PYGO1: variants seen among roughly 807,000 people sequenced by gnomAD.
The protein encoded by PYGO1 is pygopus family PHD finger 1, also known as pygopus homolog 1.
Under a neutral mutation model 29.5 loss-of-function variants are expected in PYGO1, and 6 were observed. The observed-to-expected ratio is 0.20, with a 90% CI of 0.11 to 0.40. The LOEUF is 0.40. Ranked by LOEUF, PYGO1 falls within the 10% of genes least tolerant of loss-of-function variation. PYGO1 has a pLI of 1.00. For synonymous variants in PYGO1, 186 were observed against 180.5 expected (o/e 1.03, Z -0.24); for missense variants, 515 against 514.9 (o/e 1.00, Z 0.00).
At chr15:55,564,157 T>G (rs183254875) in intron 1 of PYGO1, among the ~76,000 whole-genome samples, 1 of 152,136 alleles carries the variant, frequency 6.6e-6, no homozygotes, top group African/African-American at 2.4e-5. Context: ...GCCAAAAAAG[T>G]AGAAACAACC....
chr15:55,555,415 A>C lies in PYGO1; in HGVS notation c.50-6420T>G, dbSNP rs75259091. On this transcript the variant is annotated intron_variant, in intron 1 of 2. Coordinates refer to ENST00000563719, the MANE Select transcript of PYGO1 (RefSeq NM_001367806.1). ...AGCCAGTACAAAAGCACTGAGGTAC[A>C]TGACCAATGAAGCAACCACATAAAC... Among the ~76,000 whole-genome samples the C allele has an allele frequency of 8.1e-3, 1,231 of 151,446 alleles. 62 individuals carry two copies. In the East Asian group the frequency reaches 0.14, roughly 17 times the overall value.
chr15:55,574,524 TAAC>T (rs2058993204), intron 1 of PYGO1, among the ~76,000 whole-genome samples: 1 of 152,228 alleles, frequency 6.6e-6, no homozygotes, highest in Non-Finnish European at 1.5e-5. Flanking sequence ...ATGACAGACT[TAAC>T]TTTTTCTTAA....
chr15:55,555,161 C>G (rs2058898525), intron 1 of PYGO1, among the ~76,000 whole-genome samples: 1 of 152,094 alleles, frequency 6.6e-6, no homozygotes, highest in African/African-American at 2.4e-5. Flanking sequence ...CAGTAGACCT[C>G]TCAGCAGAAA....
At chr15:55,575,786 C>T (rs1373102581) in intron 1 of PYGO1, among the ~76,000 whole-genome samples, 1 of 152,132 alleles carries the variant, frequency 6.6e-6, no homozygotes, top group East Asian at 1.9e-4. Context: ...TGTCTGGGTC[C>T]CAGGCCTACA....
At chr15:55,549,946 T>C (rs1464719052) in intron 1 of PYGO1, among the ~76,000 whole-genome samples, 1 of 152,152 alleles carries the variant, frequency 6.6e-6, no homozygotes, top group Non-Finnish European at 1.5e-5. Flanking sequence ...CAGTACTACT[T>C]TGAAGAAAAT....
At position 55,544,632 on chromosome 15, in the gene PYGO1, T is replaced by G. The variant is rs2058841740; in HGVS notation, c.*1391A>C. ...TGCTGCCGTCATTGTTTCACTTGGG[T>G]TTAAATAACAGTAATTATTTATCTC... On this transcript the variant is annotated 3_prime_UTR_variant, in exon 3 of 3. Transcript: ENST00000563719. The G allele has an allele frequency of 6.6e-6, 1 of 152,220 alleles. No homozygotes were observed. Among genetic ancestry groups the G allele is most frequent in the Non-Finnish European group, 1.5e-5 (1 of 68,032 alleles). 9.4% of individuals were successfully genotyped at this position (152,220 alleles called of 1,614,324 possible).
intron 1 of PYGO1, among the ~76,000 whole-genome samples, chr15:55,553,370 G>A (rs1322888848): frequency 1.3e-5 from 2 of 151,718 alleles, no homozygotes; most frequent in African/African-American, 4.8e-5. Flanking sequence ...CAGTACAACT[G>A]CTCTATCAAA....
At chr15:55,570,992 A>C (rs2058977781) in intron 1 of PYGO1, among the ~76,000 whole-genome samples, 1 of 152,190 alleles carries the variant, frequency 6.6e-6, no homozygotes, top group South Asian at 2.1e-4. Flanking sequence ...TGTAAAACTG[A>C]AACTATATCC....
At chr15:55,549,989 A>C (rs995377912) in intron 1 of PYGO1, among the ~76,000 whole-genome samples, 2 of 152,194 alleles carry the variant, frequency 1.3e-5, no homozygotes, top group Non-Finnish European at 2.9e-5. Flanking sequence ...AATATTTCAG[A>C]ATGTATTTCT....
chr15:55,573,135 T>A (rs2058987039), intron 1 of PYGO1, among the ~76,000 whole-genome samples: 1 of 151,914 alleles, frequency 6.6e-6, no homozygotes, highest in African/African-American at 2.4e-5. Flanking sequence ...TGAAACCCTG[T>A]CTCTACTAAA....
In PYGO1 at chr15:55,571,237, T is replaced by C. The variant is rs192277338; in HGVS notation, c.49+16598A>G. 1.5e-3 allele frequency among the ~76,000 whole-genome samples: 227 copies of C among 152,364 alleles called. 4 individuals are homozygous for C. Among genetic ancestry groups the C allele is most frequent in the Admixed American group, 1.5e-3 (23 of 15,298 alleles). ...TATTCCATGTATAGTATACACATACTACATTCTGTTTATCCATTTATCTGT... is the reference window on the plus strand; with the variant it reads ...TATTCCATGTATAGTATACACATACCACATTCTGTTTATCCATTTATCTGT... On this transcript the variant is annotated intron_variant, in intron 1 of 2. Transcript: ENST00000563719.
intron 1 of PYGO1, among the ~76,000 whole-genome samples, chr15:55,583,163 C>CA (rs2059032174): frequency 6.6e-6 from 1 of 152,154 alleles, no homozygotes; most frequent in African/African-American, 2.4e-5. Context: ...CCCTTAGCTG[C>CA]AAAGACCTGA....
chr15:55,547,191 A>C, intron 2 of PYGO1, 44 bp from the exon 3 acceptor site: 1 of 1,477,806 alleles, frequency 6.8e-7, no homozygotes, highest in South Asian at 1.3e-5. Flanking sequence ...TCGATCAAAT[A>C]CATTATTAAA....
intron 1 of PYGO1, among the ~76,000 whole-genome samples, chr15:55,553,576 T>A (rs1034911238): frequency 6.6e-6 from 1 of 151,938 alleles, no homozygotes; most frequent in African/African-American, 2.4e-5. Context: ...CACCACTAAC[T>A]TTTTTTGTAT....
At chr15:55,575,868 A>G (rs1235079481) in intron 1 of PYGO1, among the ~76,000 whole-genome samples, 1 of 152,154 alleles carries the variant, frequency 6.6e-6, no homozygotes, top group Non-Finnish European at 1.5e-5. Context: ...ATCTGAGTTT[A>G]TACTCCACAG....
chr15:55,547,433 AAAG>A (rs1376618435), intron 2 of PYGO1, among the ~76,000 whole-genome samples: 1 of 152,216 alleles, frequency 6.6e-6, no homozygotes, highest in Non-Finnish European at 1.5e-5. Flanking sequence ...TTAACTTTCA[AAAG>A]AAGCTTCATT....
chr15:55,544,720 A>G lies in PYGO1; in HGVS notation c.*1303T>C, dbSNP rs2058842033. Reference sequence around the variant, plus strand: ...GTTGCAATGATAATGGTGGCAACATATTAGGGAGCTTTACCAGCCTCCAAT... The same window carrying G: ...GTTGCAATGATAATGGTGGCAACATGTTAGGGAGCTTTACCAGCCTCCAAT... On this transcript the variant is annotated 3_prime_UTR_variant, in exon 3 of 3. Coordinates refer to ENST00000563719, the MANE Select transcript of PYGO1 (RefSeq NM_001367806.1). 6.6e-6 allele frequency: 1 copy of G among 152,160 alleles called. No homozygotes were observed. Among genetic ancestry groups the G allele is most frequent in the African/African-American group, 2.4e-5 (1 of 41,430 alleles). 9.4% of individuals were successfully genotyped at this position (152,160 alleles called of 1,614,324 possible). A position where few individuals can be genotyped will look rare whatever the true frequency, so the allele number is the denominator to read the frequency against.
Position 55,546,898 on chromosome 15 carries a change from G to A in PYGO1, c.385C>T (p.His129Tyr). Residue 129 changes from histidine (H) to tyrosine (Y), a missense_variant, in exon 3 of 3, where the codon CAC (histidine) becomes TAC (tyrosine). By Grantham distance (83) the His-to-Tyr change is moderately conservative. Transcript: ENST00000563719. ...CGPYSLRNQP[H>Y]PFPQNPLGMG... The stretch of plus-strand genomic sequence containing the variant: ...CCCAGAGGATTCTGAGGAAATGGGT[G>A]TGGCTGGTTCCTGAGTGAGTAAGGA... 6.2e-7 allele frequency: 1 copy of A among 1,614,202 alleles called. No homozygotes were observed. Among genetic ancestry groups the A allele is most frequent in the Non-Finnish European group, 8.5e-7 (1 of 1,180,030 alleles).
intron 1 of PYGO1, among the ~76,000 whole-genome samples, chr15:55,560,121 C>T (rs2058926595): frequency 6.6e-6 from 1 of 152,060 alleles, no homozygotes; most frequent in Non-Finnish European, 1.5e-5. Flanking sequence ...TGAAAACTGG[C>T]AAAAGACAAG....
Sources: allele counts gnomAD v4.1 joint callset (sites outside exome capture counted in the v4.1 genomes callset), GRCh38; gene constraint gnomAD v4.1.1; transcripts MANE v1.5; gene names NCBI Gene and HGNC (gene_info 2026-07-23, HGNC 2026-07-21).